The following NOC3L variants were observed in gnomAD, a reference collection of about 807,000 sequenced individuals.
The protein encoded by NOC3L is NOC3 like DNA replication regulator.
NOC3L carries 85 observed loss-of-function variants against 102.5 expected under a neutral mutation model. The ratio of observed to expected loss-of-function variants is 0.83; its 90% CI spans 0.70 to 0.99. The LOEUF (loss-of-function observed/expected upper bound fraction) is 0.99. NOC3L is among the 50% of genes least tolerant of loss of function. NOC3L has a pLI of 0.00. For missense variants in NOC3L, 878 were observed against 914.9 expected (o/e 0.96, Z 0.52); for synonymous variants, 303 against 309.4 (o/e 0.98, Z 0.22).
Position 94,349,350 on chromosome 10 carries a change from T to C in NOC3L, c.1157A>G (p.Lys386Arg). Reference sequence around the variant, plus strand: ...TAATTTATCTTGCTTAAAGAGTTTCTTCACAGCTTCACAACACATTTCAGA... The same window carrying C: ...TAATTTATCTTGCTTAAAGAGTTTCCTCACAGCTTCACAACACATTTCAGA... The part of the protein sequence containing the change: ...LISEMCCEAV[K>R]KLFKQDKLGQ... The change falls in exon 10 of 21, where the codon AAG becomes AGG. Residue 386 changes from lysine (K) to arginine (R), a missense_variant. Transcript: ENST00000371361. The C allele has an allele frequency of 6.3e-7, 1 of 1,580,000 alleles. No homozygotes were observed.
the NOC3L span, chr10:94,316,475 CTG>C: frequency 7.4e-6 from 7 of 947,024 alleles, no homozygotes; most frequent in Non-Finnish European, 1.0e-5. Flanking sequence ...GCAAACCTAT[CTG>C]AACACCATGA....
In NOC3L at chr10:94,362,923, G is replaced by T. The variant is rs571080863; in HGVS notation, c.-85C>A. 8 of 1,605,532 alleles carry T rather than the reference G, an allele frequency of 5.0e-6. No individual in the cohort carries two copies. Among genetic ancestry groups the T allele is most frequent in the African/African-American group, 1.3e-5 (1 of 74,744 alleles). On this transcript the variant is annotated 5_prime_UTR_variant, in exon 1 of 21. Transcript: ENST00000371361. Reference sequence around the variant, plus strand: ...AATCCCGGGGAATGACACACGTGCCGAAGTCCCTACACTACCAGAGCCGGA... The same window carrying T: ...AATCCCGGGGAATGACACACGTGCCTAAGTCCCTACACTACCAGAGCCGGA...
the NOC3L span, chr10:94,322,017 CA>C: frequency 2.5e-6 from 4 of 1,614,150 alleles, no homozygotes; most frequent in Non-Finnish European, 3.4e-6. Context: ...GAACAGTCAT[CA>C]AAGCACCCCG....
At position 94,341,810 on chromosome 10, in the gene NOC3L, C is replaced by G. The variant is rs546120858; in HGVS notation, c.1572-65G>C. On this transcript the variant is annotated intron_variant, in intron 13 of 20. Transcript: ENST00000371361. ...AGAAATAAAGCTGGTAGAAATTAAG[C>G]TTGACTTTAAAACTGTATTTTTAAT... 5.3e-6 allele frequency: 5 copies of G among 939,496 alleles called. No individual in the cohort carries two copies. The Admixed American group carries it at 1.2e-4, about 23-fold the overall frequency. 58.2% of individuals were successfully genotyped at this position (939,496 alleles called of 1,614,324 possible).
downstream of NOC3L, chr10:94,333,148 G>A (rs947018914): frequency 1.3e-5 from 2 of 152,144 alleles, no homozygotes; most frequent in African/African-American, 2.4e-5. Context: ...ATAACTGGCT[G>A]CTATGACTTT....
the NOC3L span, among the ~76,000 whole-genome samples, chr10:94,327,393 G>A: frequency 1.6e-4 from 25 of 151,860 alleles, no homozygotes; most frequent in East Asian, 3.9e-4. Flanking sequence ...TCAGGAGTTC[G>A]AGACCAGCCT....
the NOC3L span, among the ~76,000 whole-genome samples, chr10:94,320,569 A>T: frequency 6.6e-6 from 1 of 152,210 alleles, no homozygotes; most frequent in African/African-American, 2.4e-5. Flanking sequence ...CTGGTTAGTT[A>T]GTTAGCACCC....
chr10:94,343,394 A>G (rs1311968936), intron 13 of NOC3L, among the ~76,000 whole-genome samples: 1 of 152,174 alleles, frequency 6.6e-6, no homozygotes, highest in Non-Finnish European at 1.5e-5. Context: ...AAACAAAAAT[A>G]AAAACAGCAA....
chr10:94,337,081 A>G (rs1481507752), intron 19 of NOC3L, among the ~76,000 whole-genome samples: 11 of 151,988 alleles, frequency 7.2e-5, no homozygotes, highest in Non-Finnish European at 1.3e-4. Flanking sequence ...AAAAAAAAAA[A>G]AAAAGTAATT....
At chr10:94,329,131 G>A (rs1381175515), downstream of NOC3L, 1 of 152,166 alleles carries the variant, frequency 6.6e-6, no homozygotes, top group Non-Finnish European at 1.5e-5. Context: ...AAATGGGCTA[G>A]ACTTTCAAGT....
intron 8 of NOC3L, among the ~76,000 whole-genome samples, chr10:94,351,674 A>G (rs894707123): frequency 1.3e-5 from 2 of 151,482 alleles, no homozygotes; most frequent in African/African-American, 4.9e-5. Flanking sequence ...CTCTATAGGC[A>G]TGGGCCATCA....
At chr10:94,344,620 C>A in intron 12 of NOC3L, 105 bp from the exon 13 acceptor site, 1 of 762,114 alleles carries the variant, frequency 1.3e-6, no homozygotes, top group South Asian at 1.8e-5. Context: ...CCTACCCATC[C>A]CTCCCCACAA....
chr10:94,331,002 G>C (rs750356564), downstream of NOC3L: 11 of 152,194 alleles, frequency 7.2e-5, no homozygotes, highest in Non-Finnish European at 1.3e-4. Flanking sequence ...GAAGAGAAAG[G>C]AGCATGAATT....
intron 19 of NOC3L, among the ~76,000 whole-genome samples, chr10:94,336,045 AG>A (rs1253962021): frequency 9.9e-5 from 15 of 152,190 alleles, no homozygotes; most frequent in African/African-American, 3.4e-4. Context: ...CTAAGCTTGT[AG>A]GAGTTATTTA....
chr10:94,327,658 A>C, the NOC3L span, among the ~76,000 whole-genome samples: 1 of 152,236 alleles, frequency 6.6e-6, no homozygotes, highest in Admixed American at 6.5e-5. Context: ...ATATTCATCT[A>C]TCTGAAGTAG....
chr10:94,356,433 C>G, intron 5 of NOC3L, 102 bp downstream of exon 5: 1 of 748,752 alleles, frequency 1.3e-6, no homozygotes. Flanking sequence ...ATGAGCAGTA[C>G]TCCAAAATGT....
rs577102125 is a variant in NOC3L, at chr10:94,339,954, T to G, written c.1781-34A>C. On this transcript the variant is annotated intron_variant, in intron 16 of 20. Transcript: ENST00000371361. ...GCAGACATATTCTTCAGAGCTGTTC[T>G]CATTACTTTTTCATTACGCAACTGG... is the stretch of plus-strand genomic sequence containing the variant. 4 of 1,572,596 alleles carry G rather than the reference T, an allele frequency of 2.5e-6. No individual in the cohort carries two copies. The East Asian group carries it at 9.0e-5, about 35-fold the overall frequency.
At chr10:94,340,752 C>T (rs559024338) in intron 14 of NOC3L, among the ~76,000 whole-genome samples, 90 of 151,514 alleles carry the variant, frequency 5.9e-4, no homozygotes, top group African/African-American at 2.7e-4. Context: ...GAGGCCGAGG[C>T]GGGCAGATCA....
intron 13 of NOC3L, among the ~76,000 whole-genome samples, chr10:94,344,032 C>T (rs1193412333): frequency 6.6e-6 from 1 of 152,066 alleles, no homozygotes; most frequent in Non-Finnish European, 1.5e-5. Flanking sequence ...AGCAGAAACA[C>T]ATTACACAGA....
Sources: allele counts gnomAD v4.1 joint callset (sites outside exome capture counted in the v4.1 genomes callset), GRCh38; gene constraint gnomAD v4.1.1; transcripts MANE v1.5; gene names NCBI Gene and HGNC (gene_info 2026-07-23, HGNC 2026-07-21).